Variants in MCTP2 observed in about 807,000 individuals in gnomAD.
The protein encoded by MCTP2 is multiple C2 and transmembrane domain containing 2, also known as multiple C2 and transmembrane domain-containing protein 2.
Under a neutral mutation model 111.6 loss-of-function variants are expected in MCTP2, and 132 were observed. The ratio of observed to expected loss-of-function variants is 1.18; its 90% CI spans 1.03 to 1.37. The LOEUF is 1.37. Among genes scored for constraint, MCTP2 ranks in the 40% most tolerant of loss-of-function variants. The pLI is 0.00. For missense variants in MCTP2, 1,183 were observed against 1,067.9 expected, an observed-to-expected ratio of 1.11 and a Z score of -1.50; for synonymous variants, 395 against 387.7, an observed-to-expected ratio of 1.02 and a Z score of -0.22.
intron 19 of MCTP2, 90 bp from the exon 20 acceptor site, chr15:94,458,046 AC>A (rs1258242768): frequency 8.3e-6 from 6 of 723,366 alleles, no homozygotes; most frequent in Non-Finnish European, 1.4e-5. Context: ...ATTGGTAAAA[AC>A]CTTGTTATTA....
intron 1 of MCTP2, among the ~76,000 whole-genome samples, chr15:94,249,578 T>C (rs1275431003): frequency 1.3e-5 from 2 of 151,718 alleles, no homozygotes; most frequent in South Asian, 2.1e-4. Context: ...CTCCGCCTCC[T>C]GGGTTCACGC....
chr15:94,475,042 A>G (rs1018654392), intron 21 of MCTP2, among the ~76,000 whole-genome samples: 4 of 152,268 alleles, frequency 2.6e-5, no homozygotes, highest in Non-Finnish European at 4.4e-5. Context: ...CGCACACCAT[A>G]TATAATTAAC....
At chr15:94,234,191 G>T (rs190712503) in intron 1 of MCTP2, among the ~76,000 whole-genome samples, 1 of 152,320 alleles carries the variant, frequency 6.6e-6, no homozygotes, top group Admixed American at 6.5e-5. Context: ...GATGAAGGAG[G>T]AGAGTATGTA....
intron 7 of MCTP2, 159 bp downstream of exon 7, chr15:94,341,083 T>C: frequency 1.8e-6 from 1 of 556,884 alleles, no homozygotes; most frequent in East Asian, 2.8e-5. Context: ...TGTTTTTTAA[T>C]ACAATGCTCT....
chr15:94,473,127 T>C (rs1456189618), intron 21 of MCTP2, among the ~76,000 whole-genome samples: 1 of 146,708 alleles, frequency 6.8e-6, no homozygotes, highest in Non-Finnish European at 1.5e-5. Flanking sequence ...CCTCAAGTCA[T>C]ATTTTTATAT....
At chr15:94,289,310 G>A (rs1037449931) in intron 1 of MCTP2, among the ~76,000 whole-genome samples, 14 of 152,194 alleles carry the variant, frequency 9.2e-5, no homozygotes, top group African/African-American at 3.1e-4. Flanking sequence ...TGGAGGCCAG[G>A]AGAAAATGGC....
chr15:94,390,076 A>ATATATG lies in MCTP2; in HGVS notation c.1788+4556_1788+4557insGTATAT, dbSNP rs2080816269. On this transcript the variant is annotated intron_variant, in intron 14 of 22. Coordinates refer to ENST00000357742, the MANE Select transcript of MCTP2 (RefSeq NM_001385001.1). ...TATATATATATATATATATATATAT[A>ATATATG]TATATATATATATGTATATATATAT... Among the ~76,000 whole-genome samples the ATATATG allele has an allele frequency of 3.2e-3, 40 of 12,650 alleles. 2 individuals carry two copies. The South Asian group carries it at 0.085, about 27-fold the overall frequency. The allele number at this position is 12,650 out of a possible 152,430, so 8.3% of individuals were successfully genotyped here.
In MCTP2 at chr15:94,385,372, C is replaced by T. The variant is rs146686065; in HGVS notation, c.1686-51C>T. The T allele has an allele frequency of 8.9e-5, 110 of 1,229,582 alleles. No homozygotes were observed. The African/African-American group carries it at 1.6e-3, about 18-fold the overall frequency. The allele number at this position is 1,229,582 out of a possible 1,614,324, so 76.2% of individuals were successfully genotyped here. The stretch of plus-strand genomic sequence containing the variant: ...ACAGTGTTTCCAGATCTTCATGGAA[C>T]AGACTTCACTTGTGTGTTTTTGTGT... On this transcript the variant is annotated intron_variant, in intron 13 of 22. Transcript: ENST00000357742.
intron 1 of MCTP2, among the ~76,000 whole-genome samples, chr15:94,234,525 C>T (rs2070406488): frequency 6.6e-6 from 1 of 151,964 alleles, no homozygotes; most frequent in Admixed American, 6.6e-5. Flanking sequence ...GCTCTGTTAC[C>T]CTCAAAGAGT....
At chr15:94,341,749 C>T (rs1463025909) in intron 7 of MCTP2, 1 of 152,118 alleles carries the variant, frequency 6.6e-6, no homozygotes, top group Non-Finnish European at 1.5e-5. Flanking sequence ...TGTGACTTTT[C>T]AGTTACCTTT....
rs996409081 is a variant in MCTP2 at position 94,398,809 on chromosome 15, G to A, written c.1789-152G>A. The A allele has an allele frequency of 2.8e-5, 15 of 536,906 alleles. No homozygotes were observed. In the East Asian group the frequency reaches 4.2e-4, roughly 15 times the overall value. 33.3% of individuals were successfully genotyped at this position (536,906 alleles called of 1,614,324 possible). A position where few individuals can be genotyped will look rare whatever the true frequency, so the allele number is the denominator to read the frequency against. On this transcript the variant is annotated intron_variant, in intron 14 of 22. Coordinates refer to ENST00000357742, the MANE Select transcript of MCTP2 (RefSeq NM_001385001.1). ...TTATAACAGCACTCTAAAAGTAAAA[G>A]GCGATTTATGGTGGATTTAATATTT...
intron 22 of MCTP2, among the ~76,000 whole-genome samples, chr15:94,477,775 C>G (rs1026507154): frequency 6.6e-6 from 1 of 152,184 alleles, no homozygotes; most frequent in African/African-American, 2.4e-5. Flanking sequence ...CTCTGTGATG[C>G]TATCTTCCTT....
At chr15:94,383,377 C>T (rs1001773612) in intron 12 of MCTP2, among the ~76,000 whole-genome samples, 1 of 152,184 alleles carries the variant, frequency 6.6e-6, no homozygotes, top group Non-Finnish European at 1.5e-5. Context: ...GCTCTCATGC[C>T]AAATGGATTC....
intron 21 of MCTP2, among the ~76,000 whole-genome samples, chr15:94,474,172 AT>A (rs2152543472): frequency 6.6e-6 from 1 of 152,324 alleles, no homozygotes; most frequent in South Asian, 2.1e-4. Flanking sequence ...GGTTAAAAAA[AT>A]CTAAGGTATG....
intron 1 of MCTP2, among the ~76,000 whole-genome samples, chr15:94,247,445 C>T (rs1281673433): frequency 2.0e-5 from 3 of 152,116 alleles, no homozygotes; most frequent in South Asian, 2.1e-4. Context: ...TAGGATCCTT[C>T]AATTCTTGGT....
At chr15:94,323,842 C>A (rs1024547311) in intron 4 of MCTP2, among the ~76,000 whole-genome samples, 8 of 152,184 alleles carry the variant, frequency 5.3e-5, no homozygotes, top group Non-Finnish European at 2.9e-5. Flanking sequence ...GTCCCCTCTT[C>A]TATTTCTCTC....
chr15:94,413,819 G>T (rs1044412675), intron 17 of MCTP2, among the ~76,000 whole-genome samples: 1 of 151,932 alleles, frequency 6.6e-6, no homozygotes, highest in Non-Finnish European at 1.5e-5. Context: ...TAGTTATTTT[G>T]GGCATGAGGC....
At chr15:94,434,620 A>G (rs1394705993) in intron 17 of MCTP2, among the ~76,000 whole-genome samples, 1 of 152,126 alleles carries the variant, frequency 6.6e-6, no homozygotes, top group Non-Finnish European at 1.5e-5. Context: ...TTTAAAAAAA[A>G]TACCATTTTT....
At chr15:94,272,411 G>A (rs8028154) in intron 1 of MCTP2, among the ~76,000 whole-genome samples, 5,239 of 152,122 alleles carry the variant, frequency 0.034, 302 homozygotes, top group African/African-American at 0.12. Context: ...TGAGTGTTGC[G>A]TCTGTCTACC....
Sources: gnomAD v4.1 joint callset for allele counts (sites outside exome capture counted in the v4.1 genomes callset) on GRCh38, gnomAD v4.1.1 for gene constraint, MANE v1.5 for transcripts, NCBI Gene and HGNC (gene_info 2026-07-23, HGNC 2026-07-21) for gene names.